INPP4B: variants seen among roughly 807,000 people sequenced by gnomAD.
INPP4B encodes inositol polyphosphate 4-phosphatase type II.
A neutral mutation model predicts 122.5 loss-of-function variants in INPP4B; 55 were observed. The ratio of observed to expected loss-of-function variants is 0.45; its 90% CI spans 0.36 to 0.56. The LOEUF is 0.56. Ranked by LOEUF, INPP4B falls within the 20% of genes least tolerant of loss-of-function variation. The pLI, the probability that INPP4B is intolerant of heterozygous loss-of-function variation, is 0.00. For missense variants in INPP4B, 1,000 were observed against 1,097.7 expected, an observed-to-expected ratio of 0.91 and a Z score of 1.26; for synonymous variants, 403 against 388.7, an observed-to-expected ratio of 1.04 and a Z score of -0.43.
At position 142,297,421 on chromosome 4, in the gene INPP4B, G is replaced by A. The variant is rs28634489; in HGVS notation, c.503+8037C>T. On this transcript the variant is annotated intron_variant, in intron 9 of 25. Coordinates refer to ENST00000262992, the MANE Select transcript of INPP4B (RefSeq NM_001101669.3). ...GTAATCACTGTTAGAGGCAGGGCCT[G>A]GTGGGAGGTGTTGGAGTCATGGGGG... is the stretch of plus-strand genomic sequence containing the variant. Among the ~76,000 whole-genome samples the A allele has an allele frequency of 4.6e-3, 699 of 152,312 alleles. 6 individuals carry two copies. The highest frequency in any genetic ancestry group is 0.016 in the African/African-American group (661 of 41,572).
intron 2 of INPP4B, among the ~76,000 whole-genome samples, chr4:142,681,327 T>C (rs1447258809): frequency 6.6e-6 from 1 of 151,694 alleles, no homozygotes; most frequent in Non-Finnish European, 1.5e-5. Context: ...TATGATCACA[T>C]AGTGAAGAGA....
rs560106994 is a variant in INPP4B at position 142,240,643 on chromosome 4, G to A, written c.689-2632C>T. Among the ~76,000 whole-genome samples, 17 of 152,160 alleles carry A rather than the reference G, an allele frequency of 1.1e-4. No homozygotes were observed. The South Asian group carries it at 1.2e-3, about 11-fold the overall frequency. Reference sequence around the variant, plus strand: ...ACTCCAAACATTAGTACTAAATTGCGTATCTTTATCATTATCTCAATGTAG... The same window carrying A: ...ACTCCAAACATTAGTACTAAATTGCATATCTTTATCATTATCTCAATGTAG... On this transcript the variant is annotated intron_variant, in intron 11 of 25. Coordinates refer to ENST00000262992, the MANE Select transcript of INPP4B (RefSeq NM_001101669.3).
chr4:142,420,845 T>C (rs1806722578), intron 5 of INPP4B, among the ~76,000 whole-genome samples: 1 of 152,146 alleles, frequency 6.6e-6, no homozygotes, highest in African/African-American at 2.4e-5. Flanking sequence ...GTGATGGCAA[T>C]TACTATGCAC....
chr4:142,394,154 T>G (rs1203517751), intron 7 of INPP4B, among the ~76,000 whole-genome samples: 1 of 152,132 alleles, frequency 6.6e-6, no homozygotes, highest in African/African-American at 2.4e-5. Flanking sequence ...TTTGTTTGTT[T>G]GTTTGTTTTG....
chr4:142,170,584 T>C (rs1825129289), intron 16 of INPP4B, among the ~76,000 whole-genome samples: 1 of 151,770 alleles, frequency 6.6e-6, no homozygotes, highest in South Asian at 2.1e-4. Context: ...CTACTCACAA[T>C]ACTTACTTCA....
intron 2 of INPP4B, among the ~76,000 whole-genome samples, chr4:142,655,553 T>TA (rs1489133566): frequency 3.3e-5 from 5 of 152,168 alleles, no homozygotes; most frequent in Admixed American, 6.5e-5. Context: ...TATATTTTTT[T>TA]AAAAACCCTG....
chr4:142,292,139 T>C (rs1756739797), intron 9 of INPP4B, among the ~76,000 whole-genome samples: 1 of 152,230 alleles, frequency 6.6e-6, no homozygotes, highest in African/African-American at 2.4e-5. Context: ...GAAAACTTTA[T>C]TTTTCTATTA....
At chr4:142,282,625 C>T (rs1469722512) in intron 9 of INPP4B, among the ~76,000 whole-genome samples, 1 of 152,042 alleles carries the variant, frequency 6.6e-6, no homozygotes, top group Non-Finnish European at 1.5e-5. Context: ...TTCGCATTTT[C>T]TTGTTGGTTA....
intron 2 of INPP4B, among the ~76,000 whole-genome samples, chr4:142,708,429 C>A (rs1383138648): frequency 6.6e-6 from 1 of 152,164 alleles, no homozygotes; most frequent in Non-Finnish European, 1.5e-5. Context: ...CAGCCTCTCC[C>A]ATCACAGGCC....
chr4:142,769,468 G>A (rs978515153), intron 1 of INPP4B, among the ~76,000 whole-genome samples: 105 of 152,202 alleles, frequency 6.9e-4, no homozygotes, highest in African/African-American at 2.0e-3. Flanking sequence ...TTTTAACTCC[G>A]CTAATTTACT....
intron 2 of INPP4B, among the ~76,000 whole-genome samples, chr4:142,655,467 C>A (rs979963756): frequency 6.6e-5 from 10 of 152,278 alleles, no homozygotes; most frequent in Middle Eastern, 3.4e-3. Flanking sequence ...TTAATATTTG[C>A]CTCCAAAATT....
At chr4:142,305,570 T>C (rs370063247) in intron 8 of INPP4B, 33 bp from the exon 9 acceptor site, 4 of 1,586,686 alleles carry the variant, frequency 2.5e-6, no homozygotes, top group Middle Eastern at 1.7e-4. Context: ...TTTCATTAAC[T>C]TGAGGTTCTT....
intron 1 of INPP4B, among the ~76,000 whole-genome samples, chr4:142,776,408 C>T (rs922860724): frequency 5.9e-5 from 9 of 152,098 alleles, no homozygotes; most frequent in Non-Finnish European, 1.3e-4. Flanking sequence ...TAAGTGACAA[C>T]ACTGTTGGTC....
rs193275187 is a variant in INPP4B, at chr4:142,362,162, G to A, written c.372+40776C>T. Among the ~76,000 whole-genome samples, 484 of 152,116 alleles carry A rather than the reference G, an allele frequency of 3.2e-3. 2 individuals carry two copies. Among genetic ancestry groups the A allele is most frequent in the Non-Finnish European group, 5.5e-3 (377 of 67,952 alleles). On this transcript the variant is annotated intron_variant, in intron 7 of 25. Coordinates refer to ENST00000262992, the MANE Select transcript of INPP4B (RefSeq NM_001101669.3). ...AAGTTGACAATAAAACTCTCATGAGGGTGCGTGGGTGGGAGCCAACTCAGC... is the reference window on the plus strand; with the variant it reads ...AAGTTGACAATAAAACTCTCATGAGAGTGCGTGGGTGGGAGCCAACTCAGC...
intron 7 of INPP4B, among the ~76,000 whole-genome samples, chr4:142,315,194 A>G (rs1307288939): frequency 6.6e-6 from 1 of 151,108 alleles, no homozygotes; most frequent in Non-Finnish European, 1.5e-5. Flanking sequence ...AATATATTAC[A>G]TGTATTGCAA....
At chr4:142,488,924 A>C (rs1316723291) in intron 2 of INPP4B, among the ~76,000 whole-genome samples, 1 of 151,878 alleles carries the variant, frequency 6.6e-6, no homozygotes, top group Non-Finnish European at 1.5e-5. Flanking sequence ...TCCCTTTTCA[A>C]GCCTTTTAAC....
intron 2 of INPP4B, among the ~76,000 whole-genome samples, chr4:142,517,513 A>G (rs1299255013): frequency 1.3e-5 from 2 of 152,170 alleles, no homozygotes; most frequent in African/African-American, 2.4e-5. Flanking sequence ...TATGGAGCAA[A>G]GAGATACCAG....
intron 14 of INPP4B, among the ~76,000 whole-genome samples, chr4:142,202,003 T>G (rs1220183504): frequency 6.6e-6 from 1 of 152,060 alleles, no homozygotes; most frequent in Non-Finnish European, 1.5e-5. Flanking sequence ...TATAGAAAAT[T>G]TAAGCAAACA....
intron 15 of INPP4B, among the ~76,000 whole-genome samples, chr4:142,189,368 T>C (rs372187698): frequency 6.6e-6 from 1 of 152,226 alleles, no homozygotes; most frequent in East Asian, 1.9e-4. Flanking sequence ...TGAATTCCAA[T>C]GCCTGTTGTA....
Sources: gnomAD v4.1 joint callset for allele counts (sites outside exome capture counted in the v4.1 genomes callset) on GRCh38, gnomAD v4.1.1 for gene constraint, MANE v1.5 for transcripts, NCBI Gene and HGNC (gene_info 2026-07-23, HGNC 2026-07-21) for gene names.